The following OBI1 variants were observed in gnomAD, a reference collection of about 807,000 sequenced individuals.
OBI1 encodes the protein ring finger protein 219.
OBI1 carries 59 observed loss-of-function variants against 62.4 expected under a neutral mutation model. That is an observed-to-expected ratio of 0.95 (90% CI 0.77 to 1.17). The LOEUF (loss-of-function observed/expected upper bound fraction) is 1.17, where lower values mean the gene tolerates loss of function less well. OBI1 is among the 50% of genes most tolerant of loss of function. The pLI, the probability that OBI1 is intolerant of heterozygous loss-of-function variation, is 0.00. For missense variants in OBI1, 875 were observed against 830.9 expected (o/e 1.05, Z -0.65); for synonymous variants, 302 against 292.8 (o/e 1.03, Z -0.32).
intron 1 of OBI1, among the ~76,000 whole-genome samples, chr13:78,658,757 C>T (rs1424893743): frequency 6.6e-6 from 1 of 152,182 alleles, no homozygotes; most frequent in Non-Finnish European, 1.5e-5. Flanking sequence ...TCCTTCGAGG[C>T]CGGTGTCTTG....
At chr13:78,635,737 G>GATCTATCT (rs753801059) in intron 4 of OBI1, among the ~76,000 whole-genome samples, 2 of 151,878 alleles carry the variant, frequency 1.3e-5, no homozygotes, top group African/African-American at 2.4e-5. Context: ...CTCAAAATTG[G>GATCTATCT]ATCTATCTAT....
chr13:78,618,683 C>T lies in OBI1; in HGVS notation c.639-1561G>A, dbSNP rs190211387. Among the ~76,000 whole-genome samples, 809 of 152,196 alleles carry T rather than the reference C, an allele frequency of 5.3e-3. 6 individuals carry two copies. The highest frequency in any genetic ancestry group is 7.8e-3 in the Admixed American group (119 of 15,278). ...ATTAACTGAACCCCCAGAGAGAGCACGCTCCCTTCAACTTCTAAAAAAACA... is the reference window on the plus strand; with the variant it reads ...ATTAACTGAACCCCCAGAGAGAGCATGCTCCCTTCAACTTCTAAAAAAACA... On this transcript the variant is annotated intron_variant, in intron 5 of 5. Transcript: ENST00000282003.
intron 2 of OBI1, 132 bp from the exon 3 acceptor site, chr13:78,642,345 C>T: frequency 1.7e-6 from 1 of 574,142 alleles, no homozygotes. Context: ...ACACTTGGGG[C>T]TTACATCTAG....
rs939655333 is a variant in OBI1, at chr13:78,615,499, C to A, written c.*81G>T. Reference sequence around the variant, plus strand: ...ATTATCAATTCCAATTTGTATAGAACTTTTATGAGGAAAAAAGGTAACTTT... The same window carrying A: ...ATTATCAATTCCAATTTGTATAGAAATTTTATGAGGAAAAAAGGTAACTTT... On this transcript the variant is annotated 3_prime_UTR_variant, in exon 6 of 6. Coordinates refer to ENST00000282003, the MANE Select transcript of OBI1 (RefSeq NM_024546.4). The A allele has an allele frequency of 2.1e-5, 22 of 1,061,212 alleles. No homozygotes were observed. Among genetic ancestry groups the A allele is most frequent in the Admixed American group, 2.4e-5 (1 of 42,210 alleles). 65.7% of individuals were successfully genotyped at this position (1,061,212 alleles called of 1,614,324 possible).
chr13:78,646,860 T>A (rs1055982947), intron 1 of OBI1, among the ~76,000 whole-genome samples: 1 of 152,120 alleles, frequency 6.6e-6, no homozygotes, highest in East Asian at 1.9e-4. Context: ...AAGGAAGACA[T>A]AAGAAACTCC....
chr13:78,631,358 C>G (rs1165174135), intron 5 of OBI1, among the ~76,000 whole-genome samples: 1 of 152,136 alleles, frequency 6.6e-6, no homozygotes, highest in Non-Finnish European at 1.5e-5. Context: ...AATAAGAAAT[C>G]ACAGCAAGGG....
rs188463245 is a variant in OBI1, at chr13:78,614,491, A to G, written c.*1089T>C. On this transcript the variant is annotated 3_prime_UTR_variant, in exon 6 of 6. Coordinates refer to ENST00000282003, the MANE Select transcript of OBI1 (RefSeq NM_024546.4). The stretch of plus-strand genomic sequence containing the variant: ...AAATTAAAAATTGTGCTTACCTCTT[A>G]CCTATCTTCACCCCCTCAACACTCT... The G allele has an allele frequency of 4.6e-5, 7 of 152,752 alleles. No homozygotes were observed. In the East Asian group the frequency reaches 1.4e-3, roughly 29 times the overall value. The allele number at this position is 152,752 out of a possible 1,614,324, so 9.5% of individuals were successfully genotyped here.
chr13:78,619,277 T>C (rs1446421031), intron 5 of OBI1, among the ~76,000 whole-genome samples: 3 of 151,936 alleles, frequency 2.0e-5, no homozygotes, highest in Non-Finnish European at 4.4e-5. Flanking sequence ...AGCTTGGAAT[T>C]TCAAATATAG....
intron 5 of OBI1, among the ~76,000 whole-genome samples, chr13:78,622,964 T>A (rs975624291): frequency 8.5e-5 from 13 of 152,162 alleles, no homozygotes; most frequent in African/African-American, 3.1e-4. Context: ...CTCACCTGCT[T>A]CCTATGGATC....
At chr13:78,657,884 C>G (rs1876757941) in intron 1 of OBI1, among the ~76,000 whole-genome samples, 1 of 152,188 alleles carries the variant, frequency 6.6e-6, no homozygotes, top group African/African-American at 2.4e-5. Flanking sequence ...AATGCCAGCT[C>G]AAACACCATC....
chr13:78,637,050 A>G (rs761414921), intron 4 of OBI1, among the ~76,000 whole-genome samples: 36 of 152,366 alleles, frequency 2.4e-4, no homozygotes, highest in Non-Finnish European at 4.6e-4. Flanking sequence ...TTTGCACCTA[A>G]AAGAATAATG....
chr13:78,637,382 G>T (rs1876062029), intron 4 of OBI1, among the ~76,000 whole-genome samples: 1 of 152,116 alleles, frequency 6.6e-6, no homozygotes. Context: ...GAAGTCCCAG[G>T]GTAGCTTTGA....
Position 78,616,311 on chromosome 13 carries a change from C to T in OBI1, c.1450G>A (p.Glu484Lys). 1 of 1,614,114 alleles carries T rather than the reference C, an allele frequency of 6.2e-7. No homozygotes were observed. Residue 484 changes from glutamate (E) to lysine (K), a missense_variant, in exon 6 of 6, where the codon GAG becomes AAG. Transcript: ENST00000282003. The part of the protein sequence containing the change: ...YAQNLDFESS[E>K]GNTIANSVGE... ...ACAGAATTTGCTATCGTGTTCCCCT[C>T]TGAACTTTCAAAATCTAAGTTTTGG...
At chr13:78,635,346 C>A in intron 4 of OBI1, 148 bp from the exon 5 acceptor site, 1 of 602,656 alleles carries the variant, frequency 1.7e-6, no homozygotes, top group East Asian at 2.8e-5. Flanking sequence ...AAAATCACTA[C>A]TGGGAATGAC....
intron 1 of OBI1, among the ~76,000 whole-genome samples, chr13:78,654,735 G>A (rs1876645175): frequency 6.6e-6 from 1 of 152,166 alleles, no homozygotes; most frequent in South Asian, 2.1e-4. Context: ...TGCATTATAA[G>A]GAAGCTGATT....
At chr13:78,658,608 G>C (rs1342321974) in intron 1 of OBI1, among the ~76,000 whole-genome samples, 1 of 152,236 alleles carries the variant, frequency 6.6e-6, no homozygotes, top group African/African-American at 2.4e-5. Context: ...GTAGGCCCCA[G>C]AGGATGAACA....
At chr13:78,642,376 T>C (rs1461282478) in intron 2 of OBI1, among the ~76,000 whole-genome samples, 163 bp from the exon 3 acceptor site, 1 of 151,974 alleles carries the variant, frequency 6.6e-6, no homozygotes, top group Non-Finnish European at 1.5e-5. Flanking sequence ...TACCCTAATC[T>C]TGAGGAAAAA....
chr13:78,616,387 AC>A lies in OBI1; in HGVS notation c.1373del (p.Cys458PhefsTer21). The A allele has an allele frequency of 6.2e-7, 1 of 1,613,214 alleles. No homozygotes were observed. The highest frequency in any genetic ancestry group is 8.5e-7 in the Non-Finnish European group (1 of 1,179,590). ...SRSENEKKSE[C>X]FSSPKTGFWD... is the part of the protein sequence containing the mutation. ...AAAATCCTGTCTTTGGGGAAGAAAA[AC>A]ATTCTGATTTCTTTTCATTTTCACT... On this transcript the variant is annotated frameshift_variant, in exon 6 of 6. Coordinates refer to ENST00000282003, the MANE Select transcript of OBI1 (RefSeq NM_024546.4). LOFTEE classifies it high-confidence loss of function.
At chr13:78,629,344 C>A (rs1250367299) in intron 5 of OBI1, among the ~76,000 whole-genome samples, 2 of 152,040 alleles carry the variant, frequency 1.3e-5, no homozygotes, top group South Asian at 4.1e-4. Context: ...TCAATTATAA[C>A]CAAGTTTGAT....
Sources: allele counts gnomAD v4.1 joint callset (sites outside exome capture counted in the v4.1 genomes callset), GRCh38; gene constraint gnomAD v4.1.1; transcripts MANE v1.5; gene names NCBI Gene and HGNC (gene_info 2026-07-23, HGNC 2026-07-21).